MAD1L1: variants seen among roughly 807,000 people sequenced by gnomAD.
MAD1L1 encodes mitotic arrest deficient 1 like 1, also known as mitotic spindle assembly checkpoint protein MAD1.
Under a neutral mutation model 96.9 loss-of-function variants are expected in MAD1L1, and 95 were observed. That is an observed-to-expected ratio of 0.98 (90% CI 0.83 to 1.16). The LOEUF (loss-of-function observed/expected upper bound fraction) is 1.16. Among genes scored for constraint, MAD1L1 ranks in the 50% most tolerant of loss-of-function variants. MAD1L1 has a pLI of 0.00. For synonymous variants in MAD1L1, 473 were observed against 396.6 expected, an observed-to-expected ratio of 1.19 and a Z score of -2.29; for missense variants, 1,007 against 954.4, an observed-to-expected ratio of 1.06 and a Z score of -0.73.
intron 15 of MAD1L1, among the ~76,000 whole-genome samples, chr7:1,975,724 G>A (rs1780605839): frequency 6.6e-6 from 1 of 152,174 alleles, no homozygotes; most frequent in African/African-American, 2.4e-5. Context: ...ATCACAGAGT[G>A]TCCTGAAGAG....
chr7:2,147,639 G>A (rs1348005089), intron 11 of MAD1L1, among the ~76,000 whole-genome samples: 1 of 152,188 alleles, frequency 6.6e-6, no homozygotes, highest in Non-Finnish European at 1.5e-5. Context: ...TCCCCAGGGC[G>A]GGTGCCCCAG....
rs1355529206 is a variant in MAD1L1, at chr7:2,142,587, C to T, written c.1073+6565G>A. Among the ~76,000 whole-genome samples the T allele has an allele frequency of 6.6e-6, 1 of 152,208 alleles. No homozygotes were observed. The highest frequency in any genetic ancestry group is 1.5e-5 in the Non-Finnish European group (1 of 68,032). ...TGCCACCCAGAGCTCCTGGCGCGTG[C>T]CCTGCCACAGCCCTGGACCAGACAG... On this transcript the variant is annotated intron_variant, in intron 11 of 18. Coordinates refer to ENST00000265854, the MANE Select transcript of MAD1L1 (RefSeq NM_001013836.2). This position sits in a 1 kb window ranked among gnomAD's most constrained non-coding sequence, Gnocchi z 4.7.
intron 18 of MAD1L1, among the ~76,000 whole-genome samples, chr7:1,840,868 G>C (rs1343144952): frequency 6.6e-6 from 1 of 152,226 alleles, no homozygotes; most frequent in East Asian, 1.9e-4. Flanking sequence ...CACACTCCCT[G>C]CATGCCCCAG....
At chr7:2,113,650 A>G (rs1787500805) in intron 11 of MAD1L1, among the ~76,000 whole-genome samples, 1 of 152,226 alleles carries the variant, frequency 6.6e-6, no homozygotes, top group African/African-American at 2.4e-5. Context: ...ACTTATTATC[A>G]GAACAAAAGC....
At chr7:1,849,065 C>T (rs115883577) in intron 18 of MAD1L1, 1 of 117,578 alleles carries the variant, frequency 8.5e-6, no homozygotes. Flanking sequence ...CACACACACA[C>T]ACACACACAA....
At chr7:1,980,243 T>C (rs1192600132) in intron 15 of MAD1L1, among the ~76,000 whole-genome samples, 20 of 152,050 alleles carry the variant, frequency 1.3e-4, no homozygotes, top group Admixed American at 1.2e-3. Flanking sequence ...GGGACACGCA[T>C]GAGCGTGCCC....
chr7:1,826,491 C>T (rs537210357), intron 18 of MAD1L1, among the ~76,000 whole-genome samples: 11 of 152,302 alleles, frequency 7.2e-5, no homozygotes, highest in South Asian at 4.1e-4. Context: ...AGCTCAGCTC[C>T]GCGGAGCTCC....
intron 17 of MAD1L1, among the ~76,000 whole-genome samples, chr7:1,929,428 G>T (rs1164600414): frequency 6.6e-6 from 1 of 152,190 alleles, no homozygotes; most frequent in East Asian, 1.9e-4. Context: ...TGAGGAGTCA[G>T]AGCCAGCACG....
chr7:1,868,503 C>T (rs1784887935), intron 18 of MAD1L1, among the ~76,000 whole-genome samples: 1 of 116,188 alleles, frequency 8.6e-6, no homozygotes. Context: ...GGATAATTTA[C>T]ACAAAGAAAG....
intron 10 of MAD1L1, among the ~76,000 whole-genome samples, chr7:2,207,164 C>A (rs1214250635): frequency 2.0e-5 from 3 of 151,768 alleles, no homozygotes; most frequent in Non-Finnish European, 4.4e-5. Context: ...ATATTTGGGT[C>A]AATTTGAGCA....
At position 1,858,653 on chromosome 7, in the gene MAD1L1, C is replaced by T. The variant is rs574573910; in HGVS notation, c.1998+39547G>A. Among the ~76,000 whole-genome samples, 61 of 152,338 alleles carry T rather than the reference C, an allele frequency of 4.0e-4. 1 individual carries two copies. The South Asian group carries it at 0.013, about 32-fold the overall frequency. The stretch of plus-strand genomic sequence containing the variant: ...GTCAGACCCACGCCACAGTGCAGGG[C>T]AGACTGGGATAGTGAGAACATGCGC... On this transcript the variant is annotated intron_variant, in intron 18 of 18. Coordinates refer to ENST00000265854, the MANE Select transcript of MAD1L1 (RefSeq NM_001013836.2).
chr7:2,061,979 G>A (rs962845121), intron 12 of MAD1L1, among the ~76,000 whole-genome samples: 3 of 152,254 alleles, frequency 2.0e-5, no homozygotes, highest in Admixed American at 1.3e-4. Context: ...AGTGGCTCAC[G>A]CCTGTAATCC....
intron 12 of MAD1L1, among the ~76,000 whole-genome samples, chr7:2,032,320 G>A (rs550072184): frequency 7.9e-4 from 121 of 152,318 alleles, no homozygotes; most frequent in South Asian, 1.5e-3. Context: ...GGGAAGGCGC[G>A]CGCCCCAGGT....
intron 17 of MAD1L1, among the ~76,000 whole-genome samples, chr7:1,906,684 G>A (rs1387233538): frequency 6.6e-6 from 1 of 152,236 alleles, no homozygotes. Context: ...GCTGGGCCAG[G>A]CCTGTGCGCA....
At chr7:1,870,700 TACACCTGCCACACTGAACCCACCGTA>T in intron 18 of MAD1L1, among the ~76,000 whole-genome samples, 1 of 140,850 alleles carries the variant, frequency 7.1e-6, no homozygotes, top group Non-Finnish European at 1.5e-5. Flanking sequence ...GAACCCAACA[TACACCTGCCACACTGAACCCACCGTA>T]ACACCTGCCA....
chr7:2,095,982 G>C (rs754011515), intron 11 of MAD1L1, among the ~76,000 whole-genome samples: 16 of 152,254 alleles, frequency 1.1e-4, no homozygotes, highest in Non-Finnish European at 2.2e-4. Context: ...AGGAGAGACG[G>C]GGTCCCTCAT....
intron 17 of MAD1L1, among the ~76,000 whole-genome samples, chr7:1,928,437 G>A (rs565096021): frequency 6.8e-6 from 1 of 147,002 alleles, no homozygotes. Context: ...TGCTCCCCAC[G>A]ACCCACCGGT....
At chr7:2,097,964 C>T (rs766282632) in intron 11 of MAD1L1, among the ~76,000 whole-genome samples, 1 of 152,330 alleles carries the variant, frequency 6.6e-6, no homozygotes, top group Middle Eastern at 3.4e-3. Flanking sequence ...GGGGAGGGCA[C>T]GCTCAGCAGC....
intron 12 of MAD1L1, among the ~76,000 whole-genome samples, chr7:2,017,588 T>TG (rs1227869317): frequency 6.6e-6 from 1 of 152,142 alleles, no homozygotes; most frequent in East Asian, 1.9e-4. Flanking sequence ...AGGAAGGATC[T>TG]GGGCGCCCTG....
Sources: allele counts gnomAD v4.1 joint callset (sites outside exome capture counted in the v4.1 genomes callset), GRCh38; gene constraint gnomAD v4.1.1; non-coding constraint Gnocchi (gnomAD v3.1); transcripts MANE v1.5; gene names NCBI Gene and HGNC (gene_info 2026-07-23, HGNC 2026-07-21).